MCM10: variants seen among roughly 807,000 people sequenced by gnomAD.
MCM10 encodes the protein protein MCM10 homolog.
In MCM10, 91 loss-of-function variants were observed where a neutral mutation model predicts 109.9. The ratio of observed to expected loss-of-function variants is 0.83; its 90% CI spans 0.70 to 0.99. The LOEUF (loss-of-function observed/expected upper bound fraction) is 0.99, where lower values mean the gene tolerates loss of function less well. Among genes scored for constraint, MCM10 ranks in the 50% least tolerant of loss-of-function variants. MCM10 has a pLI of 0.00. For synonymous variants in MCM10, 380 were observed against 387.2 expected (o/e 0.98, Z 0.22); for missense variants, 1,077 against 1,061.2 (o/e 1.01, Z -0.21).
At chr10:13,192,615 G>A (rs534129594) in intron 13 of MCM10, 47 bp downstream of exon 13, 1 of 1,543,130 alleles carries the variant, frequency 6.5e-7, no homozygotes, top group South Asian at 1.1e-5. Flanking sequence ...ATCCATCTCA[G>A]GCGTCCTCAG....
rs1221185834 is a variant in MCM10, at chr10:13,195,291, T to C, written c.1974+22T>C. The C allele has an allele frequency of 6.4e-6, 10 of 1,554,242 alleles. No homozygotes were observed. In the Admixed American group the frequency reaches 1.3e-4, roughly 21 times the overall value. ...AAAGGTAACTGGCATCTCTTCTCTT[T>C]AGCACTTGAGTTTGCATTCTGTAGA... On this transcript the variant is annotated intron_variant, in intron 14 of 19. Transcript: ENST00000378714.
intron 11 of MCM10, 126 bp downstream of exon 11, chr10:13,191,525 C>T (rs1188924480): frequency 2.9e-6 from 2 of 686,414 alleles, no homozygotes; most frequent in African/African-American, 3.6e-5. Context: ...TCTCAGAAAT[C>T]ACCACTAAGA....
At chr10:13,164,778 G>T (rs1833972617) in intron 2 of MCM10, among the ~76,000 whole-genome samples, 1 of 152,158 alleles carries the variant, frequency 6.6e-6, no homozygotes. Flanking sequence ...ATTGTGCTGG[G>T]CTGGACGCAG....
At chr10:13,193,032 T>A (rs1489722937) in intron 13 of MCM10, among the ~76,000 whole-genome samples, 2 of 152,122 alleles carry the variant, frequency 1.3e-5, no homozygotes, top group East Asian at 3.9e-4. Flanking sequence ...ACTACAGGCA[T>A]GTGCCACTAT....
At chr10:13,177,944 ATTGT>A (rs1264831898) in intron 6 of MCM10, among the ~76,000 whole-genome samples, 1 of 151,768 alleles carries the variant, frequency 6.6e-6, no homozygotes, top group African/African-American at 2.4e-5. Context: ...TGGCAGCAAG[ATTGT>A]TTGGGAGATC....
intron 2 of MCM10, among the ~76,000 whole-genome samples, chr10:13,170,036 T>A (rs1407202124): frequency 6.6e-6 from 1 of 152,242 alleles, no homozygotes; most frequent in Non-Finnish European, 1.5e-5. Flanking sequence ...GGGTTAATCT[T>A]ACAAGCAATG....
chr10:13,196,666 C>T (rs1172199624), intron 14 of MCM10, among the ~76,000 whole-genome samples: 1 of 152,068 alleles, frequency 6.6e-6, no homozygotes, highest in African/African-American at 2.4e-5. Context: ...GTGCCCACCA[C>T]CATGCCTGAC....
At chr10:13,194,150 G>T (rs1834385093) in intron 13 of MCM10, among the ~76,000 whole-genome samples, 1 of 152,254 alleles carries the variant, frequency 6.6e-6, no homozygotes, top group African/African-American at 2.4e-5. Context: ...GATCGCCTGA[G>T]CCCAGGAGTT....
chr10:13,204,562 C>A (rs1465965889), intron 18 of MCM10, 198 bp downstream of exon 18: 4 of 581,430 alleles, frequency 6.9e-6, no homozygotes, highest in Admixed American at 6.2e-5. Flanking sequence ...GTCCCCAACA[C>A]CTAATATAGT....
chr10:13,163,289 A>G (rs1833952020), intron 1 of MCM10, among the ~76,000 whole-genome samples: 1 of 152,196 alleles, frequency 6.6e-6, no homozygotes, highest in African/African-American at 2.4e-5. Flanking sequence ...TAGTGAGCCA[A>G]TAGCACCACT....
chr10:13,185,016 A>G (rs1424814581), intron 8 of MCM10, among the ~76,000 whole-genome samples: 1 of 152,214 alleles, frequency 6.6e-6, no homozygotes, highest in Non-Finnish European at 1.5e-5. Context: ...AGCTACCAGC[A>G]GCTTTGCACA....
intron 2 of MCM10, among the ~76,000 whole-genome samples, chr10:13,168,559 T>C (rs1014670680): frequency 6.6e-6 from 1 of 152,124 alleles, no homozygotes; most frequent in East Asian, 1.9e-4. Context: ...TATTTTTCCA[T>C]TGAATACCTC....
chr10:13,167,783 G>T (rs35874697), intron 2 of MCM10, among the ~76,000 whole-genome samples: 20 of 151,972 alleles, frequency 1.3e-4, no homozygotes, highest in East Asian at 9.7e-4. Flanking sequence ...TGCCTAATAC[G>T]TGCCGAACAC....
rs1302285146 is a variant in MCM10 at position 13,182,514 on chromosome 10, G to C, written c.931-419G>C. ...CATCATATAATTAACCAATGATATG[G>C]AATAGATTTACTCATTTACCTAATA... On this transcript the variant is annotated intron_variant, in intron 7 of 19. Transcript: ENST00000378714. The surrounding 1 kb of genome is among the most constrained non-coding windows in gnomAD (Gnocchi z 4.2). 6.6e-6 allele frequency among the ~76,000 whole-genome samples: 1 copy of C among 151,974 alleles called. No individual in the cohort carries two copies. The highest frequency in any genetic ancestry group is 2.4e-5 in the African/African-American group (1 of 41,378).
In MCM10 at chr10:13,209,213, T is replaced by A; in HGVS notation, c.2542-14T>A. The A allele has an allele frequency of 6.2e-7, 1 of 1,610,022 alleles. No homozygotes were observed. The highest frequency in any genetic ancestry group is 8.5e-7 in the Non-Finnish European group (1 of 1,176,318). On this transcript the variant is annotated splice_polypyrimidine_tract_variant and intron_variant, in intron 19 of 19. Transcript: ENST00000378714. ...GTGGAACCATCTCCTATTAAAATAT[T>A]TTCATTTTTCTAGGAAAAGACTGGT...
intron 13 of MCM10, among the ~76,000 whole-genome samples, chr10:13,194,143 C>A (rs781570277): frequency 6.6e-6 from 1 of 152,088 alleles, no homozygotes; most frequent in Non-Finnish European, 1.5e-5. Flanking sequence ...GCAGGCAGAT[C>A]GCCTGAGCCC....
rs549161309 is a variant in MCM10, at chr10:13,182,002, G to A, written c.931-931G>A. Among the ~76,000 whole-genome samples, 7 of 152,220 alleles carry A rather than the reference G, an allele frequency of 4.6e-5. 1 individual carries two copies. Among genetic ancestry groups the A allele is most frequent in the South Asian group, 2.1e-4 (1 of 4,822 alleles). ...CAGTATTCTGGTTTTAAAAACAACCGTAAAAGTGGAGGTTTTTCACATTAT... is the reference window on the plus strand; with the variant it reads ...CAGTATTCTGGTTTTAAAAACAACCATAAAAGTGGAGGTTTTTCACATTAT... On this transcript the variant is annotated intron_variant, in intron 7 of 19. Coordinates refer to ENST00000378714, the MANE Select transcript of MCM10 (RefSeq NM_018518.5). This position sits in a 1 kb window ranked among gnomAD's most constrained non-coding sequence, Gnocchi z 4.2.
chr10:13,170,983 T>C lies in MCM10; in HGVS notation c.69T>C (p.Asp23=). Residue 23 remains aspartate, a synonymous_variant, in exon 3 of 20, where the codon GAT becomes GAC. Coordinates refer to ENST00000378714, the MANE Select transcript of MCM10 (RefSeq NM_018518.5). The part of the protein sequence containing the change: ...ALLEENESAL[D]CNSEENNFLT... The stretch of plus-strand genomic sequence containing the variant: ...TGGAAGAAAATGAGTCAGCCTTGGA[T>C]TGTAATTCAGAAGAAAATAACTTCT... 6.2e-7 allele frequency: 1 copy of C among 1,614,226 alleles called. No individual in the cohort carries two copies. The highest frequency in any genetic ancestry group is 8.5e-7 in the Non-Finnish European group (1 of 1,180,046).
intron 2 of MCM10, among the ~76,000 whole-genome samples, chr10:13,164,618 A>G (rs1375492668): frequency 6.6e-6 from 1 of 152,230 alleles, no homozygotes; most frequent in Non-Finnish European, 1.5e-5. Flanking sequence ...TTTACATTTG[A>G]TAATGAAATC....
Sources: allele counts gnomAD v4.1 joint callset (sites outside exome capture counted in the v4.1 genomes callset), GRCh38; gene constraint gnomAD v4.1.1; non-coding constraint Gnocchi (gnomAD v3.1); transcripts MANE v1.5; gene names NCBI Gene and HGNC (gene_info 2026-07-23, HGNC 2026-07-21).